The following LRRC3B variants were observed in gnomAD, a reference collection of about 807,000 sequenced individuals.
The protein encoded by LRRC3B is leucine rich repeat containing 3B.
Under a neutral mutation model 12.8 loss-of-function variants are expected in LRRC3B, and 2 were observed. The ratio of observed to expected loss-of-function variants is 0.16; its 90% CI spans 0.06 to 0.49. LRRC3B has a LOEUF of 0.49. Among genes scored for constraint, LRRC3B ranks in the 20% least tolerant of loss-of-function variants. LRRC3B has a pLI of 0.96. For missense variants in LRRC3B, 189 were observed against 319.4 expected, an observed-to-expected ratio of 0.59 and a Z score of 3.11; for synonymous variants, 132 against 122.0, an observed-to-expected ratio of 1.08 and a Z score of -0.54.
At chr3:26,675,245 C>A (rs928395697) in intron 1 of LRRC3B, among the ~76,000 whole-genome samples, 1 of 152,256 alleles carries the variant, frequency 6.6e-6, no homozygotes, top group East Asian at 1.9e-4. Context: ...TAAACAAAGC[C>A]AATGATTCTT....
intron 1 of LRRC3B, among the ~76,000 whole-genome samples, chr3:26,633,773 C>G (rs947317718): frequency 3.3e-5 from 5 of 152,182 alleles, no homozygotes; most frequent in Non-Finnish European, 5.9e-5. Flanking sequence ...AGGTCACAGA[C>G]AGAGGACATC....
intron 1 of LRRC3B, among the ~76,000 whole-genome samples, chr3:26,644,387 A>G (rs1043326297): frequency 3.9e-5 from 6 of 152,222 alleles, no homozygotes; most frequent in African/African-American, 1.4e-4. Context: ...AATTCCTTTG[A>G]GAATCTGAGT....
chr3:26,626,593 G>T (rs1553600614), intron 1 of LRRC3B, among the ~76,000 whole-genome samples: 3 of 152,028 alleles, frequency 2.0e-5, no homozygotes, highest in Non-Finnish European at 4.4e-5. Flanking sequence ...CACTCCTGCT[G>T]TTTTTTTAAC....
intron 1 of LRRC3B, among the ~76,000 whole-genome samples, chr3:26,645,381 G>T (rs1263121756): frequency 6.6e-6 from 1 of 151,988 alleles, no homozygotes; most frequent in Non-Finnish European, 1.5e-5. Context: ...GGTAAGCAAA[G>T]AAATCATTTA....
rs78269749 is a variant in LRRC3B at position 26,628,864 on chromosome 3, T to A, written c.-161+5627T>A. Reference sequence around the variant, plus strand: ...AAATACTAAAAAAAAAAAAAAAAAATCCTCCACAAATAAAAACAGATTTTA... The same window carrying A: ...AAATACTAAAAAAAAAAAAAAAAAAACCTCCACAAATAAAAACAGATTTTA... On this transcript the variant is annotated intron_variant, in intron 1 of 1. Transcript: ENST00000396641. 2.1e-4 allele frequency among the ~76,000 whole-genome samples: 24 copies of A among 116,362 alleles called. No individual in the cohort carries two copies. In the East Asian group the frequency reaches 3.1e-3, roughly 15 times the overall value. 76.3% of individuals were successfully genotyped at this position (116,362 alleles called of 152,430 possible). A position where few individuals can be genotyped will look rare whatever the true frequency, so the allele number is the denominator to read the frequency against.
intron 1 of LRRC3B, among the ~76,000 whole-genome samples, chr3:26,665,565 A>G (rs1177869056): frequency 1.3e-5 from 2 of 152,158 alleles, no homozygotes; most frequent in Non-Finnish European, 2.9e-5. Flanking sequence ...AAGTATAGAA[A>G]AGAGAGTTGA....
Position 26,635,155 on chromosome 3 carries a change from C to G in LRRC3B, c.-161+11918C>G, listed in dbSNP as rs1229873749. ...GTTTTAGTCTCCTCTGAGCCTCAAG[C>G]CACCTGGACCTCAGGACTGCAGTGT... On this transcript the variant is annotated intron_variant, in intron 1 of 1. Transcript: ENST00000396641. Among the ~76,000 whole-genome samples the G allele has an allele frequency of 2.0e-5, 3 of 152,102 alleles. No individual in the cohort carries two copies. The East Asian group carries it at 5.8e-4, about 29-fold the overall frequency.
chr3:26,688,422 TA>T (rs1182842085), intron 1 of LRRC3B, among the ~76,000 whole-genome samples: 2 of 152,198 alleles, frequency 1.3e-5, no homozygotes, highest in Non-Finnish European at 2.9e-5. Flanking sequence ...TAGATTTCTA[TA>T]AAAAATACCT....
exon 2 of LRRC3B, chr3:26,710,218 C>A (rs769674309): frequency 8.7e-6 from 14 of 1,613,642 alleles, no homozygotes; most frequent in Non-Finnish European, 1.7e-6. Context: ...AACATGCTGG[C>A]AGACCATTCC....
intron 1 of LRRC3B, among the ~76,000 whole-genome samples, chr3:26,699,562 AT>A (rs1398039756): frequency 6.6e-6 from 1 of 152,196 alleles, no homozygotes; most frequent in African/African-American, 2.4e-5. Flanking sequence ...TGTAAGAAGG[AT>A]AAAGCAGGGT....
At position 26,636,566 on chromosome 3, in the gene LRRC3B, G is replaced by A. The variant is rs1599922; in HGVS notation, c.-161+13329G>A. On this transcript the variant is annotated intron_variant, in intron 1 of 1. Transcript: ENST00000396641. ...TGGCGTGCCAGTTGTGTAATGAAGA[G>A]TATGTATTGACAATATTAAATTGTG... Among the ~76,000 whole-genome samples, 6 of 152,158 alleles carry A rather than the reference G, an allele frequency of 3.9e-5. No homozygotes were observed. The South Asian group carries it at 1.0e-3, about 26-fold the overall frequency.
chr3:26,651,281 C>T (rs979812492), intron 1 of LRRC3B, among the ~76,000 whole-genome samples: 2 of 152,192 alleles, frequency 1.3e-5, no homozygotes, highest in African/African-American at 4.8e-5. Context: ...TATATGCAAA[C>T]ATCACCTCAT....
At chr3:26,684,387 G>A (rs1042502192) in intron 1 of LRRC3B, among the ~76,000 whole-genome samples, 2 of 152,294 alleles carry the variant, frequency 1.3e-5, no homozygotes, top group African/African-American at 2.4e-5. Flanking sequence ...GATATGTGCT[G>A]CATCTGTGCT....
At chr3:26,646,050 C>T (rs779418560) in intron 1 of LRRC3B, among the ~76,000 whole-genome samples, 4 of 152,128 alleles carry the variant, frequency 2.6e-5, no homozygotes, top group Non-Finnish European at 4.4e-5. Context: ...TTTCCTTGTT[C>T]TCTTGTTGAT....
intron 1 of LRRC3B, among the ~76,000 whole-genome samples, chr3:26,667,972 G>A (rs1347983496): frequency 6.6e-6 from 1 of 151,272 alleles, no homozygotes. Context: ...TGCACCATCA[G>A]TATTGAATTT....
At chr3:26,685,513 CTCTCTCTCTCTATATATATATATATA>C (rs1318443531) in intron 1 of LRRC3B, among the ~76,000 whole-genome samples, 16 of 53,310 alleles carry the variant, frequency 3.0e-4, no homozygotes, top group African/African-American at 1.1e-3. Context: ...CTCTCTCTCT[CTCTCTCTCTCTATATATATATATATA>C]TATATATATA....
At chr3:26,691,572 C>T (rs988138342) in intron 1 of LRRC3B, among the ~76,000 whole-genome samples, 4 of 152,160 alleles carry the variant, frequency 2.6e-5, no homozygotes, top group African/African-American at 9.6e-5. Context: ...AAAATAACTT[C>T]TCCATCCATT....
chr3:26,657,047 C>T (rs1699386772), intron 1 of LRRC3B, among the ~76,000 whole-genome samples: 1 of 152,088 alleles, frequency 6.6e-6, no homozygotes, highest in African/African-American at 2.4e-5. Context: ...TTATAGGATC[C>T]AGAGTATACA....
At chr3:26,634,606 A>G (rs1045160406) in intron 1 of LRRC3B, among the ~76,000 whole-genome samples, 33 of 152,250 alleles carry the variant, frequency 2.2e-4, no homozygotes, top group African/African-American at 7.2e-4. Flanking sequence ...TTCCCTTGAG[A>G]TGGGGGGAGG....
Sources: allele counts gnomAD v4.1 joint callset (sites outside exome capture counted in the v4.1 genomes callset), GRCh38; gene constraint gnomAD v4.1.1; transcripts MANE v1.5; gene names NCBI Gene and HGNC (gene_info 2026-07-23, HGNC 2026-07-21).